HDAC4: variants seen among roughly 807,000 people sequenced by gnomAD.
HDAC4 encodes histone deacetylase A.
HDAC4 carries 16 observed loss-of-function variants against 135.1 expected under a neutral mutation model. The ratio of observed to expected loss-of-function variants is 0.12; its 90% CI spans 0.08 to 0.18. The LOEUF is 0.18. HDAC4 is among the 10% of genes least tolerant of loss of function. The probability of loss-of-function intolerance (pLI) is 1.00; values close to 1 mark genes in which losing one functional copy is unlikely to be tolerated. For synonymous variants in HDAC4, 685 were observed against 653.4 expected, an observed-to-expected ratio of 1.05 and a Z score of -0.74; for missense variants, 1,143 against 1,511.8, an observed-to-expected ratio of 0.76 and a Z score of 4.05.
intron 12 of HDAC4, among the ~76,000 whole-genome samples, chr2:239,120,394 C>T (rs1227449321): frequency 2.7e-5 from 4 of 147,472 alleles, no homozygotes; most frequent in Admixed American, 2.1e-4. Flanking sequence ...CACACACAGA[C>T]GCACACAGAC....
intron 24 of HDAC4, among the ~76,000 whole-genome samples, chr2:239,061,328 G>A (rs1037602408): frequency 6.6e-6 from 1 of 151,832 alleles, no homozygotes; most frequent in Non-Finnish European, 1.5e-5. Context: ...ATGCACAAGA[G>A]GGCATACCTG....
rs542152998 is a variant in HDAC4 at position 239,227,050 on chromosome 2, G to A, written c.94+9543C>T. ...AAATGCTGGAAGTCAGAAAGGATCT[G>A]GGTGAATAAGGTATCAGAGACAGCA... On this transcript the variant is annotated intron_variant, in intron 3 of 26. Transcript: ENST00000543185. 5.3e-5 allele frequency among the ~76,000 whole-genome samples: 8 copies of A among 152,374 alleles called. No homozygotes were observed. The South Asian group carries it at 1.2e-3, about 24-fold the overall frequency.
intron 1 of HDAC4, among the ~76,000 whole-genome samples, chr2:239,356,287 G>A (rs1415845914): frequency 6.6e-6 from 1 of 152,168 alleles, no homozygotes; most frequent in Non-Finnish European, 1.5e-5. Context: ...TTGCAGAACT[G>A]GAGACAGCCA....
At chr2:239,337,609 C>T (rs987778464) in intron 2 of HDAC4, among the ~76,000 whole-genome samples, 1 of 152,186 alleles carries the variant, frequency 6.6e-6, no homozygotes, top group African/African-American at 2.4e-5. Context: ...TTTTGTGGCT[C>T]TTCCTTTCCT....
chr2:239,071,807 G>C (rs1247929842), intron 22 of HDAC4, among the ~76,000 whole-genome samples: 1 of 152,100 alleles, frequency 6.6e-6, no homozygotes, highest in African/African-American at 2.4e-5. Context: ...CCACTGACTG[G>C]AAAGTCTGCT....
intron 12 of HDAC4, among the ~76,000 whole-genome samples, chr2:239,117,328 C>A (rs1167908642): frequency 6.6e-6 from 1 of 152,126 alleles, no homozygotes; most frequent in Non-Finnish European, 1.5e-5. Context: ...TGAGGCCAGC[C>A]CCACGTCTGG....
chr2:239,111,411 C>T (rs1173652911), intron 14 of HDAC4, 115 bp downstream of exon 14: 29 of 1,071,830 alleles, frequency 2.7e-5, no homozygotes, highest in East Asian at 7.8e-5. Context: ...GCGTGGCCCT[C>T]GTGCCTGCCC....
chr2:239,336,770 T>C (rs1575711933), intron 2 of HDAC4, among the ~76,000 whole-genome samples: 3 of 152,356 alleles, frequency 2.0e-5, no homozygotes, highest in East Asian at 1.9e-4. Context: ...TTAGTCACAA[T>C]TGGGAACCAA....
At chr2:239,267,402 C>A (rs541459515) in intron 2 of HDAC4, among the ~76,000 whole-genome samples, 2 of 152,360 alleles carry the variant, frequency 1.3e-5, no homozygotes, top group Non-Finnish European at 2.9e-5. Flanking sequence ...CAGCGGAGCA[C>A]CAGGGCCCAT....
intron 3 of HDAC4, among the ~76,000 whole-genome samples, chr2:239,205,095 G>A (rs1468309418): frequency 6.6e-6 from 1 of 152,192 alleles, no homozygotes; most frequent in Non-Finnish European, 1.5e-5. Flanking sequence ...CACCCCACGT[G>A]GCTGGCAGGT....
chr2:239,089,985 A>G, intron 18 of HDAC4, 24 bp downstream of exon 18: 5 of 1,537,462 alleles, frequency 3.3e-6, no homozygotes, highest in Non-Finnish European at 4.5e-6. Flanking sequence ...CTGGAGGGCC[A>G]CCACTGTCCA....
chr2:239,090,026 C>T lies in HDAC4; in HGVS notation c.2371G>A (p.Ala791Thr), dbSNP rs61754648. The T allele has an allele frequency of 2.9e-3, 4,678 of 1,613,522 alleles. 17 individuals carry two copies. Among genetic ancestry groups the T allele is most frequent in the Non-Finnish European group, 3.7e-3 (4,388 of 1,179,640 alleles). The change falls in exon 18 of 27, where the codon GCC becomes ACC. Residue 791 changes from alanine (A) to threonine (T), a missense_variant. Transcript: ENST00000543185. ...CGACTGACCTTCAGCTCCCCTGTGG[C>T]CACCTTGAAGACCAGCTCTACCACG... Reference protein sequence around the residue: ...GCVVELVFKVATGELKNGFAV... With the variant: ...GCVVELVFKVTTGELKNGFAV...
rs780702598 is a variant in HDAC4, at chr2:239,134,467, C to G, written c.1096-24G>C. On this transcript the variant is annotated intron_variant, in intron 10 of 26. Coordinates refer to ENST00000543185, the MANE Select transcript of HDAC4 (RefSeq NM_001378414.1). ...CCCTGGAAAGCACAGCCAGGATGCT[C>G]GGGTGGAAGGACCCATCACCACCAC... The G allele has an allele frequency of 6.8e-6, 11 of 1,613,646 alleles. No homozygotes were observed. In the South Asian group the frequency reaches 1.2e-4, roughly 18 times the overall value.
At chr2:239,301,990 CA>C (rs984758739) in intron 2 of HDAC4, among the ~76,000 whole-genome samples, 1 of 151,542 alleles carries the variant, frequency 6.6e-6, no homozygotes. Flanking sequence ...ACAACAACAA[CA>C]AAAAAAACAG....
At chr2:239,190,219 CCT>C (rs1386484087) in intron 3 of HDAC4, 142 bp from the exon 4 acceptor site, 15 of 1,156,968 alleles carry the variant, frequency 1.3e-5, no homozygotes, top group African/African-American at 4.7e-5. Flanking sequence ...CCCCTCTCCC[CCT>C]GTCCCCCTCT....
chr2:239,148,484 C>T (rs1246748561), intron 7 of HDAC4, among the ~76,000 whole-genome samples: 1 of 152,182 alleles, frequency 6.6e-6, no homozygotes, highest in Non-Finnish European at 1.5e-5. Context: ...CCTGCGGGAT[C>T]CCAAACTGCT....
chr2:239,198,512 T>C (rs553422068), intron 3 of HDAC4, among the ~76,000 whole-genome samples: 2 of 152,326 alleles, frequency 1.3e-5, no homozygotes, highest in African/African-American at 4.8e-5. Flanking sequence ...CCCCCGTTCT[T>C]GCTGCAGTAC....
chr2:239,253,594 C>A (rs1024931045), intron 2 of HDAC4, among the ~76,000 whole-genome samples: 18 of 152,230 alleles, frequency 1.2e-4, no homozygotes, highest in Non-Finnish European at 2.5e-4. Context: ...TCAACCAGAA[C>A]TTTAGGTTCC....
intron 3 of HDAC4, among the ~76,000 whole-genome samples, chr2:239,194,100 C>T (rs570651166): frequency 3.3e-5 from 5 of 152,248 alleles, no homozygotes; most frequent in South Asian, 4.2e-4. Flanking sequence ...ACAGGGATGC[C>T]GGCCAGCATT....
Sources: gnomAD v4.1 joint callset for allele counts (sites outside exome capture counted in the v4.1 genomes callset) on GRCh38, gnomAD v4.1.1 for gene constraint, MANE v1.5 for transcripts, NCBI Gene and HGNC (gene_info 2026-07-23, HGNC 2026-07-21) for gene names.